RASEF: variants seen among roughly 807,000 people sequenced by gnomAD.
RASEF encodes the protein ras and EF-hand domain-containing protein.
In RASEF, 68 loss-of-function variants were observed where a neutral mutation model predicts 90.1. That is an observed-to-expected ratio of 0.75 (90% CI 0.62 to 0.92). The LOEUF (loss-of-function observed/expected upper bound fraction) is 0.92, where lower values mean the gene tolerates loss of function less well. RASEF is among the 40% of genes least tolerant of loss of function. The pLI is 0.00. For missense variants in RASEF, 949 were observed against 937.2 expected (o/e 1.01, Z -0.16); for synonymous variants, 331 against 345.2 (o/e 0.96, Z 0.46).
intron 1 of RASEF, among the ~76,000 whole-genome samples, chr9:83,045,608 T>C (rs919494628): frequency 9.2e-5 from 14 of 152,216 alleles, no homozygotes; most frequent in African/African-American, 2.9e-4. Flanking sequence ...AAACCTTGAA[T>C]CTGTGTTCAC....
chr9:83,072,249 C>T, the RASEF span, among the ~76,000 whole-genome samples: 2 of 152,104 alleles, frequency 1.3e-5, no homozygotes, highest in Admixed American at 6.5e-5. Flanking sequence ...ACACCATCCT[C>T]ATACCTTCTG....
chr9:83,097,606 C>G, the RASEF span, among the ~76,000 whole-genome samples: 1 of 152,204 alleles, frequency 6.6e-6, no homozygotes, highest in Non-Finnish European at 1.5e-5. Flanking sequence ...TGAACAGACA[C>G]TTCTCAAAAG....
chr9:83,003,355 T>G (rs1178405419), intron 9 of RASEF, among the ~76,000 whole-genome samples: 2 of 152,292 alleles, frequency 1.3e-5, no homozygotes, highest in South Asian at 4.1e-4. Context: ...CTAGAATCTT[T>G]CGTTGATGAG....
At chr9:82,984,089 C>T (rs1828667777) in intron 16 of RASEF, among the ~76,000 whole-genome samples, 2 of 152,164 alleles carry the variant, frequency 1.3e-5, no homozygotes, top group South Asian at 4.1e-4. Context: ...GTCTCTCCAG[C>T]AGAGCCACAC....
At chr9:83,112,852 C>T in the RASEF span, among the ~76,000 whole-genome samples, 1 of 151,690 alleles carries the variant, frequency 6.6e-6, no homozygotes, top group Non-Finnish European at 1.5e-5. Context: ...TTAATTTCCA[C>T]ACATAGAGAA....
intron 1 of RASEF, among the ~76,000 whole-genome samples, chr9:83,041,488 A>G (rs1829841943): frequency 6.6e-6 from 1 of 152,228 alleles, no homozygotes; most frequent in Non-Finnish European, 1.5e-5. Flanking sequence ...AGTTGTAGAG[A>G]TTTTCTTATG....
At chr9:83,090,864 A>G in the RASEF span, among the ~76,000 whole-genome samples, 1 of 152,024 alleles carries the variant, frequency 6.6e-6, no homozygotes, top group Non-Finnish European at 1.5e-5. Flanking sequence ...ACTTCTCTGG[A>G]ATAATAATAA....
At chr9:83,155,535 A>G in the RASEF span, among the ~76,000 whole-genome samples, 1 of 152,180 alleles carries the variant, frequency 6.6e-6, no homozygotes, top group Non-Finnish European at 1.5e-5. Flanking sequence ...CGCCCCCATG[A>G]TTAAATTATC....
At chr9:82,994,731 C>T (rs937399299) in intron 14 of RASEF, among the ~76,000 whole-genome samples, 2 of 152,138 alleles carry the variant, frequency 1.3e-5, no homozygotes, top group Non-Finnish European at 2.9e-5. Context: ...CCCAAATATT[C>T]GATCAATAAA....
chr9:83,023,925 T>C (rs1330689029), intron 2 of RASEF, among the ~76,000 whole-genome samples: 1 of 152,244 alleles, frequency 6.6e-6, no homozygotes. Flanking sequence ...GGGTGATGCA[T>C]AATCACAGAG....
At chr9:83,187,889 T>A in the RASEF span, among the ~76,000 whole-genome samples, 1 of 152,198 alleles carries the variant, frequency 6.6e-6, no homozygotes. Flanking sequence ...ACGAGAGCTC[T>A]ACAATCCACC....
intron 6 of RASEF, among the ~76,000 whole-genome samples, chr9:83,008,946 CTG>C (rs1829188526): frequency 2.1e-5 from 2 of 96,818 alleles, no homozygotes; most frequent in South Asian, 7.2e-4. Context: ...GACGTGGGCT[CTG>C]TGTTTTGAGA....
At chr9:83,094,610 A>C in the RASEF span, among the ~76,000 whole-genome samples, 1 of 152,206 alleles carries the variant, frequency 6.6e-6, no homozygotes, top group Non-Finnish European at 1.5e-5. Flanking sequence ...TTTAAAAGCC[A>C]GGCGTACATA....
upstream of RASEF, among the ~76,000 whole-genome samples, chr9:83,064,389 T>A (rs759218594): frequency 7.2e-5 from 11 of 152,156 alleles, no homozygotes; most frequent in Non-Finnish European, 1.5e-4. Flanking sequence ...GCTAATACAA[T>A]GAATCTTATC....
chr9:83,062,353 TTGGGTC>T, intron 1 of RASEF, 78 bp downstream of exon 1: 33 of 1,328,234 alleles, frequency 2.5e-5, no homozygotes, highest in Non-Finnish European at 3.5e-5. Flanking sequence ...GGGGGGGCCA[TTGGGTC>T]TGCACACCTG....
intron 9 of RASEF, among the ~76,000 whole-genome samples, chr9:83,002,775 C>T (rs1829063181): frequency 6.6e-6 from 1 of 151,998 alleles, no homozygotes; most frequent in Non-Finnish European, 1.5e-5. Flanking sequence ...TAAGAATTCA[C>T]CTGAATAAAC....
chr9:83,105,787 C>T, the RASEF span, among the ~76,000 whole-genome samples: 92 of 152,270 alleles, frequency 6.0e-4, no homozygotes, highest in African/African-American at 2.2e-3. Flanking sequence ...GACATAAAAG[C>T]TGAAAATAAT....
intron 16 of RASEF, among the ~76,000 whole-genome samples, chr9:82,984,191 A>AATT (rs1164182106): frequency 5.3e-5 from 8 of 152,194 alleles, no homozygotes; most frequent in Non-Finnish European, 8.8e-5. Context: ...AGGTAAAATT[A>AATT]ATTTTATTAA....
chr9:83,025,461 TC>T (rs1487711544), intron 2 of RASEF, among the ~76,000 whole-genome samples: 1 of 152,226 alleles, frequency 6.6e-6, no homozygotes, highest in Non-Finnish European at 1.5e-5. Context: ...CAAATAGTGT[TC>T]CATCTACTTC....
Sources: allele counts gnomAD v4.1 joint callset (sites outside exome capture counted in the v4.1 genomes callset), GRCh38; gene constraint gnomAD v4.1.1; transcripts MANE v1.5; gene names NCBI Gene and HGNC (gene_info 2026-07-23, HGNC 2026-07-21).